Variants in COL4A6 observed in about 807,000 individuals in gnomAD.
COL4A6 encodes collagen alpha-6(IV) chain.
A neutral mutation model predicts 126.7 loss-of-function variants in COL4A6; 59 were observed. The ratio of observed to expected loss-of-function variants is 0.47; its 90% confidence interval spans 0.38 to 0.58. COL4A6 has a LOEUF of 0.58. Ranked by LOEUF, COL4A6 falls within the 20% of genes least tolerant of loss-of-function variation. The pLI, the probability that COL4A6 is intolerant of heterozygous loss-of-function variation, is 0.00. For missense variants in COL4A6, 1,285 were observed against 1,337.3 expected (o/e 0.96, Z 0.61); for synonymous variants, 547 against 496.6 (o/e 1.10, Z -1.35).
At position 108,285,422 on chromosome X, in the gene COL4A6, G is replaced by A. The variant is rs1335489247; in HGVS notation, c.144+25326C>T. Among the ~76,000 whole-genome samples, 3 of 112,319 alleles carry A rather than the reference G, an allele frequency of 2.7e-5. No individual in the cohort carries two copies. The Admixed American group carries it at 2.8e-4, about 11-fold the overall frequency. On this transcript the variant is annotated intron_variant, in intron 3 of 44. Coordinates refer to ENST00000334504, the MANE Select transcript of COL4A6 (RefSeq NM_033641.4). ...TTGTGATGCTAATCATAGAGAAGCA[G>A]TGTGATTACAGGATGAGAAAGCTTT...
chrX:108,276,735 T>C (rs1474521456), intron 3 of COL4A6, among the ~76,000 whole-genome samples: 1 of 111,685 alleles, frequency 9.0e-6, no homozygotes, highest in Non-Finnish European at 1.9e-5. Flanking sequence ...CAGGTGGCTC[T>C]TCCTAAGGCA....
At chrX:108,302,736 C>T in intron 3 of COL4A6, among the ~76,000 whole-genome samples, 1 of 111,026 alleles carries the variant, frequency 9.0e-6, no homozygotes, top group Non-Finnish European at 1.9e-5. Context: ...CCTCAGGATA[C>T]CTTACAGAGT....
chrX:108,325,100 G>T (rs985798309), intron 2 of COL4A6, among the ~76,000 whole-genome samples: 2 of 111,723 alleles, frequency 1.8e-5, no homozygotes, highest in East Asian at 2.8e-4. Flanking sequence ...ATAGAAACAA[G>T]TCAAGTAGTC....
intron 2 of COL4A6, among the ~76,000 whole-genome samples, chrX:108,426,923 A>C (rs1438450504): frequency 1.8e-5 from 2 of 111,988 alleles, no homozygotes; most frequent in African/African-American, 6.5e-5. Context: ...CAGGAAATGG[A>C]CATCCAGAAT....
chrX:108,409,067 T>C lies in COL4A6; in HGVS notation c.63+28875A>G, dbSNP rs146662333. 4.8e-3 allele frequency among the ~76,000 whole-genome samples: 538 copies of C among 112,639 alleles called. 3 individuals are homozygous for C. Among genetic ancestry groups the C allele is most frequent in the African/African-American group, 0.016 (507 of 31,037 alleles). ...GGGGTATGTTGCTGTTCAAAAGTTT[T>C]GAAAACCACCGGTCTAGATAATTGA... On this transcript the variant is annotated intron_variant, in intron 2 of 44. Transcript: ENST00000334504.
intron 3 of COL4A6, among the ~76,000 whole-genome samples, chrX:108,307,938 A>G (rs758466461): frequency 4.5e-5 from 5 of 112,037 alleles, no homozygotes; most frequent in Non-Finnish European, 9.4e-5. Flanking sequence ...TATTTGGGAA[A>G]TAGGACATTC....
intron 2 of COL4A6, among the ~76,000 whole-genome samples, chrX:108,411,413 T>C (rs2041326370): frequency 8.9e-6 from 1 of 111,855 alleles, no homozygotes; most frequent in African/African-American, 3.3e-5. Context: ...AATAAGATGA[T>C]TTTCAAGGTG....
At chrX:108,335,624 CAT>C (rs762810522) in intron 2 of COL4A6, among the ~76,000 whole-genome samples, 16 of 110,985 alleles carry the variant, frequency 1.4e-4, no homozygotes, top group Admixed American at 6.7e-4. Context: ...GAAACACACA[CAT>C]ATATATACAC....
intron 3 of COL4A6, among the ~76,000 whole-genome samples, chrX:108,225,234 A>T (rs1259467768): frequency 8.9e-6 from 1 of 111,904 alleles, no homozygotes; most frequent in Non-Finnish European, 1.9e-5. Flanking sequence ...CGCCCCTGGG[A>T]CTGTCCCCAT....
intron 3 of COL4A6, among the ~76,000 whole-genome samples, chrX:108,225,283 T>G (rs909621400): frequency 4.5e-5 from 5 of 112,322 alleles, no homozygotes; most frequent in African/African-American, 1.6e-4. Context: ...ACATTATTTC[T>G]TTTTTCCTAA....
chrX:108,196,526 A>G lies in COL4A6; in HGVS notation c.888T>C (p.Gly296=). 1 of 1,209,679 alleles carries G rather than the reference A, an allele frequency of 8.3e-7. No homozygotes were observed. The highest frequency in any genetic ancestry group is 1.1e-6 in the Non-Finnish European group (1 of 894,145). ...KGEKGEKGIP[G]LPGPRGPMGS... is the part of the protein sequence containing the mutation. ...AGGTTCATACCCTAGGTCCTGGCAA[A>G]CCAGGGATTCCCTTTTCTCCCTTTT... Residue 296 remains glycine (G), a synonymous_variant, in exon 14 of 45, where the codon GGT becomes GGC. Transcript: ENST00000334504.
At chrX:108,364,770 A>T (rs1349771966) in intron 2 of COL4A6, among the ~76,000 whole-genome samples, 1 of 112,015 alleles carries the variant, frequency 8.9e-6, no homozygotes, top group Non-Finnish European at 1.9e-5. Flanking sequence ...TTTATGGTTG[A>T]ATAGTATTCC....
At chrX:108,343,538 G>A (rs1433882470) in intron 2 of COL4A6, among the ~76,000 whole-genome samples, 1 of 110,876 alleles carries the variant, frequency 9.0e-6, no homozygotes, top group Non-Finnish European at 1.9e-5. Context: ...AGGCATGTAA[G>A]TTTGGAATTA....
intron 2 of COL4A6, among the ~76,000 whole-genome samples, chrX:108,388,784 T>C (rs1012493947): frequency 2.7e-5 from 3 of 111,892 alleles, no homozygotes; most frequent in Non-Finnish European, 3.8e-5. Context: ...CTTTTGCTTC[T>C]CTAGTTCTTT....
intron 2 of COL4A6, among the ~76,000 whole-genome samples, chrX:108,435,471 G>A (rs1040231782): frequency 2.7e-5 from 3 of 111,700 alleles, no homozygotes; most frequent in African/African-American, 6.5e-5. Context: ...AGAGAGTTAG[G>A]AACTATGTTT....
At chrX:108,420,570 G>T (rs1020747634) in intron 2 of COL4A6, among the ~76,000 whole-genome samples, 3 of 111,723 alleles carry the variant, frequency 2.7e-5, no homozygotes, top group Non-Finnish European at 5.6e-5. Context: ...CTCAGTAGGG[G>T]CCTTAGTGCT....
chrX:108,347,382 G>A (rs1430911198), intron 2 of COL4A6, among the ~76,000 whole-genome samples: 1 of 112,268 alleles, frequency 8.9e-6, no homozygotes, highest in Non-Finnish European at 1.9e-5. Context: ...GCATTGAATA[G>A]GACCTGCTGT....
At chrX:108,358,835 C>T (rs143919108) in intron 2 of COL4A6, among the ~76,000 whole-genome samples, 1 of 111,948 alleles carries the variant, frequency 8.9e-6, no homozygotes, top group South Asian at 3.7e-4. Flanking sequence ...TGTCTATAAG[C>T]TGGCAACATA....
At chrX:108,259,837 A>T (rs1462338815) in intron 3 of COL4A6, among the ~76,000 whole-genome samples, 1 of 111,425 alleles carries the variant, frequency 9.0e-6, no homozygotes, top group Non-Finnish European at 1.9e-5. Context: ...CTACGTCCAA[A>T]CTCAGCAGGA....
Sources: gnomAD v4.1 joint callset for allele counts (sites outside exome capture counted in the v4.1 genomes callset) on GRCh38, gnomAD v4.1.1 for gene constraint, MANE v1.5 for transcripts, NCBI Gene and HGNC (gene_info 2026-07-23, HGNC 2026-07-21) for gene names.